HYOU1: variants seen among roughly 807,000 people sequenced by gnomAD.
The protein encoded by HYOU1 is hypoxia up-regulated 1.
In HYOU1, 40 loss-of-function variants were observed where a neutral mutation model predicts 120.5. The observed-to-expected ratio is 0.33, with a 90% CI of 0.26 to 0.43. HYOU1 has a LOEUF of 0.43. Ranked by LOEUF, HYOU1 falls within the 20% of genes least tolerant of loss-of-function variation. HYOU1 has a pLI of 1.00. For synonymous variants in HYOU1, 501 were observed against 479.4 expected, an observed-to-expected ratio of 1.05 and a Z score of -0.59; for missense variants, 1,085 against 1,278.3, an observed-to-expected ratio of 0.85 and a Z score of 2.31.
Position 119,051,265 on chromosome 11 carries a change from G to A in HYOU1, c.1527-92C>T. The A allele has an allele frequency of 6.4e-7, 1 of 1,561,944 alleles. No homozygotes were observed. Among genetic ancestry groups the A allele is most frequent in the Non-Finnish European group, 8.7e-7 (1 of 1,143,522 alleles). On this transcript the variant is annotated intron_variant, in intron 13 of 25. Transcript: ENST00000617285. The surrounding 1 kb of genome is among the most constrained non-coding windows in gnomAD (Gnocchi z 4.2). The stretch of plus-strand genomic sequence containing the variant: ...GGCCTCCTGGCACAAGGTGTCAGGG[G>A]CACTCCCCAAGGGCACACTCAAGAG...
Position 119,046,419 on chromosome 11 carries a change from GTC to G in HYOU1, c.2883_2884del (p.Glu961AspfsTer9). On this transcript the variant is annotated frameshift_variant, in exon 24 of 26. Transcript: ENST00000617285. LOFTEE classifies it high-confidence loss of function. ...CAACCATGGTTGCTCCAACTCACCA[GTC>G]TCTACTTTCTCAGGTTCTGAAATGG... is the stretch of plus-strand genomic sequence containing the variant. The G allele has an allele frequency of 1.2e-6, 2 of 1,614,094 alleles. No individual in the cohort carries two copies. Among genetic ancestry groups the G allele is most frequent in the Non-Finnish European group, 1.7e-6 (2 of 1,180,010 alleles).
chr11:119,044,831 C>T lies in HYOU1; in HGVS notation c.*762G>A. ...CTTGCACGATGCTGGCACCCCATGC[C>T]AACCACTCTACGTGGCTTTCCTCTT... is the stretch of plus-strand genomic sequence containing the variant. On this transcript the variant is annotated 3_prime_UTR_variant, in exon 26 of 26. Coordinates refer to ENST00000617285, the MANE Select transcript of HYOU1 (RefSeq NM_006389.5). 8.0e-6 allele frequency: 2 copies of T among 249,582 alleles called. No individual in the cohort carries two copies. Among genetic ancestry groups the T allele is most frequent in the South Asian group, 9.0e-5 (2 of 22,208 alleles). 15.5% of individuals were successfully genotyped at this position (249,582 alleles called of 1,614,324 possible).
chr11:119,045,902 T>C, intron 24 of HYOU1, 71 bp from the exon 25 acceptor site: 1 of 1,459,790 alleles, frequency 6.9e-7, no homozygotes, highest in South Asian at 1.2e-5. Context: ...GGGCCAGTTT[T>C]TCCATGAAGA....
Position 119,048,124 on chromosome 11 carries a change from C to T in HYOU1, c.2377-44G>A, listed in dbSNP as rs1417504095. 5 of 1,612,972 alleles carry T rather than the reference C, an allele frequency of 3.1e-6. No individual in the cohort carries two copies. In the East Asian group the frequency reaches 1.1e-4, roughly 36 times the overall value. On this transcript the variant is annotated intron_variant, in intron 20 of 25. Transcript: ENST00000617285. This position sits in a 1 kb window ranked among gnomAD's most constrained non-coding sequence, Gnocchi z 4.7. ...GGCAGAGGGGTGGAAGGGACGACAGCAGAGCCTGGAGTCAGCCCCATGTCC... is the reference window on the plus strand; with the variant it reads ...GGCAGAGGGGTGGAAGGGACGACAGTAGAGCCTGGAGTCAGCCCCATGTCC...
chr11:119,048,053 T>C lies in HYOU1; in HGVS notation c.2404A>G (p.Arg802Gly). The change falls in exon 21 of 26, where the codon AGG becomes GGG. Residue 802 changes from arginine (R) to glycine (G), a missense_variant. Transcript: ENST00000617285. This position sits in a 1 kb window ranked among gnomAD's most constrained non-coding sequence, Gnocchi z 4.7. ...AAAAACAGCCCTTGGCACAGCTTCC[T>C]CAGCTCAGCCAGCTTCTCCTTCAAC... ...VMLKEKLAEL[R>G]KLCQGLFFRV... 1 of 1,614,204 alleles carries C rather than the reference T, an allele frequency of 6.2e-7. No homozygotes were observed. The highest frequency in any genetic ancestry group is 8.5e-7 in the Non-Finnish European group (1 of 1,180,048).
Position 119,052,528 on chromosome 11 carries a change from A to G in HYOU1, c.988-99T>C. On this transcript the variant is annotated intron_variant, in intron 9 of 25. Coordinates refer to ENST00000617285, the MANE Select transcript of HYOU1 (RefSeq NM_006389.5). This position sits in a 1 kb window ranked among gnomAD's most constrained non-coding sequence, Gnocchi z 5.0. ...AAGAATAGGTCTTTGGGAGGATGGT[A>G]GCGGGAGGAGCATGGGCCATGCCAG... The G allele has an allele frequency of 6.3e-7, 1 of 1,583,816 alleles. No individual in the cohort carries two copies. The highest frequency in any genetic ancestry group is 8.6e-7 in the Non-Finnish European group (1 of 1,161,412).
At chr11:119,049,403 A>C (rs2133572924) in intron 16 of HYOU1, 153 bp downstream of exon 16, 8 of 1,571,702 alleles carry the variant, frequency 5.1e-6, no homozygotes, top group Non-Finnish European at 2.6e-6. Flanking sequence ...TGGGAGCACC[A>C]GTCAAGAAAC....
chr11:119,045,878 G>A (rs1301456528), intron 24 of HYOU1, 47 bp from the exon 25 acceptor site: 33 of 1,591,662 alleles, frequency 2.1e-5, no homozygotes, highest in Non-Finnish European at 2.7e-5. Context: ...GGAGGAAGAG[G>A]CTAAGGGAAG....
At chr11:119,047,034 A>G (rs2133554693) in intron 22 of HYOU1, 11 of 527,320 alleles carry the variant, frequency 2.1e-5, no homozygotes, top group South Asian at 5.6e-5. Flanking sequence ...TGGAGTGACT[A>G]CAACTGAACA....
Position 119,054,476 on chromosome 11 carries a change from A to T in HYOU1, c.678+18T>A, listed in dbSNP as rs921347822. The T allele has an allele frequency of 1.2e-6, 2 of 1,613,120 alleles. No individual in the cohort carries two copies. Among genetic ancestry groups the T allele is most frequent in the Non-Finnish European group, 1.7e-6 (2 of 1,179,198 alleles). ...ATTCAGTCACCCTGCATGTCTGGTCAAGGCTCCCCTGGCTCACCTGGGCAG... is the reference window on the plus strand; with the variant it reads ...ATTCAGTCACCCTGCATGTCTGGTCTAGGCTCCCCTGGCTCACCTGGGCAG... On this transcript the variant is annotated intron_variant, in intron 7 of 25. Transcript: ENST00000617285.
Position 119,054,113 on chromosome 11 carries a change from C to T in HYOU1, c.794+8G>A. ...ACAAGCAGCCCTCCCTGCCAAGTAT[C>T]CACTTACCCTACTCCCCGGATCTGC... is the stretch of plus-strand genomic sequence containing the variant. On this transcript the variant is annotated splice_region_variant and intron_variant, in intron 8 of 25. Transcript: ENST00000617285. 1 of 1,580,422 alleles carries T rather than the reference C, an allele frequency of 6.3e-7. No individual in the cohort carries two copies. Among genetic ancestry groups the T allele is most frequent in the Non-Finnish European group, 8.7e-7 (1 of 1,149,790 alleles).
intron 16 of HYOU1, 174 bp from the exon 17 acceptor site, chr11:119,049,377 T>C (rs2133572549): frequency 1.9e-6 from 3 of 1,559,654 alleles, no homozygotes; most frequent in African/African-American, 2.7e-5. Context: ...GCATCTGCAA[T>C]GAGGGGAATG....
chr11:119,051,539 G>T lies in HYOU1; in HGVS notation c.1425C>A (p.Pro475=). 1 of 1,614,166 alleles carries T rather than the reference G, an allele frequency of 6.2e-7. No homozygotes were observed. Among genetic ancestry groups the T allele is most frequent in the Non-Finnish European group, 8.5e-7 (1 of 1,180,022 alleles). Residue 475 remains proline, a synonymous_variant, in exon 13 of 26, where the codon CCC becomes CCA. Transcript: ENST00000617285. This position sits in a 1 kb window ranked among gnomAD's most constrained non-coding sequence, Gnocchi z 4.2. ...AGGTGATGACTTTGCGTTGAGGGTA[G>T]GGCCCCATCCGAGAGAAGAGTACCC... ...NKRVLFSRMG[P]YPQRKVITFN... is the part of the protein sequence containing the mutation.
chr11:119,050,413 T>TA (rs1464549290), intron 14 of HYOU1, among the ~76,000 whole-genome samples: 2 of 151,480 alleles, frequency 1.3e-5, no homozygotes, highest in East Asian at 3.9e-4. Context: ...TCAAAAAAAG[T>TA]AATAATAATA....
chr11:119,053,854 C>T lies in HYOU1; in HGVS notation c.794+267G>A. ...CAAGAGAACAAAAACATGATTGAAT[C>T]TGACACCCTACATATTGCCTGCGGC... On this transcript the variant is annotated intron_variant, in intron 8 of 25. Transcript: ENST00000617285. 3 of 358,056 alleles carry T rather than the reference C, an allele frequency of 8.4e-6. No individual in the cohort carries two copies. In the South Asian group the frequency reaches 1.7e-4, roughly 20 times the overall value. The allele number at this position is 358,056 out of a possible 1,614,324, so 22.2% of individuals were successfully genotyped here. A position where few individuals can be genotyped will look rare whatever the true frequency, so the allele number is the denominator to read the frequency against.
Position 119,051,822 on chromosome 11 carries a change from G to C in HYOU1, c.1335C>G (p.Ile445Met). 6.2e-7 allele frequency: 1 copy of C among 1,614,178 alleles called. No homozygotes were observed. Among genetic ancestry groups the C allele is most frequent in the Non-Finnish European group, 8.5e-7 (1 of 1,180,016 alleles). The change falls in exon 12 of 26, where the codon ATC becomes ATG. Residue 445 changes from isoleucine to methionine, a missense_variant. Ile to Met is a conservative substitution (Grantham distance 10). This residue lies in a region of HYOU1 where 515 missense variants were observed against 677.8 expected (regional missense o/e 0.76). Transcript: ENST00000617285. This position sits in a 1 kb window ranked among gnomAD's most constrained non-coding sequence, Gnocchi z 4.2. ...CTGCTCAGTCAGGCTCACTCACCAG[G>C]ATGGGGTAGACCACTGCATCTCGGA... ...FVVRDAVVYP[I>M]LVEFTREVEE...
rs1273425112 is a variant in HYOU1 at position 119,046,773 on chromosome 11, C to T, written c.2625G>A (p.Gln875=). The T allele has an allele frequency of 6.2e-7, 1 of 1,601,836 alleles. No homozygotes were observed. Among genetic ancestry groups the T allele is most frequent in the Non-Finnish European group, 8.5e-7 (1 of 1,179,968 alleles). ...GCTTCTCTGTGGCGGGCAGCTTAGC[C>T]TGCTCGGCCAGAGTTGCATTCTTCC... ...WAWKNATLAE[Q]AKLPATEKPV... The change falls in exon 23 of 26, where the codon CAG becomes CAA. Residue 875 remains glutamine (Q), a synonymous_variant. Transcript: ENST00000617285.
chr11:119,045,285 C>T lies in HYOU1; in HGVS notation c.*308G>A. 1 of 539,984 alleles carries T rather than the reference C, an allele frequency of 1.9e-6. No homozygotes were observed. The highest frequency in any genetic ancestry group is 1.6e-5 in the South Asian group (1 of 63,208). The allele number at this position is 539,984 out of a possible 1,614,324, so 33.4% of individuals were successfully genotyped here. A position where few individuals can be genotyped will look rare whatever the true frequency, so the allele number is the denominator to read the frequency against. ...GACCCATCAGCCACTGGCAGCCATTCTCTTCCTACCCACAGGCAAAGGATT... is the reference window on the plus strand; with the variant it reads ...GACCCATCAGCCACTGGCAGCCATTTTCTTCCTACCCACAGGCAAAGGATT... On this transcript the variant is annotated 3_prime_UTR_variant, in exon 26 of 26. Coordinates refer to ENST00000617285, the MANE Select transcript of HYOU1 (RefSeq NM_006389.5).
chr11:119,046,318 A>C, intron 24 of HYOU1, 99 bp downstream of exon 24: 1 of 1,099,310 alleles, frequency 9.1e-7, no homozygotes, highest in Admixed American at 2.2e-5. Flanking sequence ...AAGGCCATTC[A>C]AGCTCATGGG....
Sources: gnomAD v4.1 joint callset for allele counts (sites outside exome capture counted in the v4.1 genomes callset) on GRCh38, gnomAD v4.1.1 for gene constraint, gnomAD v4.1.1 regional missense constraint, Gnocchi (gnomAD v3.1) non-coding constraint, MANE v1.5 for transcripts, NCBI Gene and HGNC (gene_info 2026-07-23, HGNC 2026-07-21) for gene names.